GRIK3: variants seen among roughly 807,000 people sequenced by gnomAD.
GRIK3 encodes glutamate receptor ionotropic, kainate 3.
Under a neutral mutation model 102.5 loss-of-function variants are expected in GRIK3, and 29 were observed. The observed-to-expected ratio is 0.28, with a 90% CI of 0.21 to 0.39. The LOEUF (loss-of-function observed/expected upper bound fraction) is 0.39, where lower values mean the gene tolerates loss of function less well. GRIK3 is among the 10% of genes least tolerant of loss of function. The probability of loss-of-function intolerance (pLI) is 1.00; values close to 1 mark genes in which losing one functional copy is unlikely to be tolerated. For missense variants in GRIK3, 908 were observed against 1,252.4 expected, an observed-to-expected ratio of 0.73 and a Z score of 4.15; for synonymous variants, 511 against 504.9, an observed-to-expected ratio of 1.01 and a Z score of -0.16.
At chr1:36,937,840 C>T (rs1319224561) in intron 1 of GRIK3, among the ~76,000 whole-genome samples, 1 of 152,220 alleles carries the variant, frequency 6.6e-6, no homozygotes, top group East Asian at 1.9e-4. Flanking sequence ...GGAAACTACC[C>T]TTATGTAGTC....
intron 1 of GRIK3, among the ~76,000 whole-genome samples, chr1:36,997,833 A>C (rs1375434509): frequency 6.6e-6 from 1 of 152,132 alleles, no homozygotes; most frequent in African/African-American, 2.4e-5. Flanking sequence ...ACAGCCTGGG[A>C]GGGTTTGGAG....
intron 1 of GRIK3, among the ~76,000 whole-genome samples, chr1:36,994,286 A>G (rs1435760486): frequency 6.6e-6 from 1 of 152,216 alleles, no homozygotes; most frequent in Non-Finnish European, 1.5e-5. Context: ...GCGGTAAACT[A>G]GGAAACTCTT....
At chr1:36,994,975 C>G (rs755797483) in intron 1 of GRIK3, among the ~76,000 whole-genome samples, 2 of 152,056 alleles carry the variant, frequency 1.3e-5, no homozygotes, top group Non-Finnish European at 2.9e-5. Context: ...AAACAGCAGA[C>G]CAAAGAGAGC....
At chr1:36,840,952 G>T (rs180775774) in intron 10 of GRIK3, among the ~76,000 whole-genome samples, 17 of 152,302 alleles carry the variant, frequency 1.1e-4, no homozygotes, top group Admixed American at 1.1e-3. Flanking sequence ...CGTGAGGAAG[G>T]GGTGTCAACA....
At chr1:36,954,781 G>GA (rs1016874853) in intron 1 of GRIK3, among the ~76,000 whole-genome samples, 42 of 152,312 alleles carry the variant, frequency 2.8e-4, no homozygotes, top group African/African-American at 8.9e-4. Context: ...ACAAATCACA[G>GA]AAAAAAACCA....
At position 36,800,132 on chromosome 1, in the gene GRIK3, C is replaced by G. The variant is rs1642424294; in HGVS notation, c.*1719G>C. 6.6e-6 allele frequency: 1 copy of G among 152,158 alleles called. No individual in the cohort carries two copies. Among genetic ancestry groups the G allele is most frequent in the Non-Finnish European group, 1.5e-5 (1 of 68,030 alleles). The allele number at this position is 152,158 out of a possible 1,614,324, so 9.4% of individuals were successfully genotyped here. On this transcript the variant is annotated 3_prime_UTR_variant, in exon 16 of 16. Transcript: ENST00000373091. Reference sequence around the variant, plus strand: ...GAGCCCACTGTGGTCTCCTGCTTTGCTAGAGATTGCCCTTCACCCAGATGA... The same window carrying G: ...GAGCCCACTGTGGTCTCCTGCTTTGGTAGAGATTGCCCTTCACCCAGATGA...
intron 1 of GRIK3, among the ~76,000 whole-genome samples, chr1:36,903,582 A>G (rs561194): frequency 0.045 from 6,795 of 152,312 alleles, 404 homozygotes; most frequent in African/African-American, 0.13. Context: ...CCTTCAGTAG[A>G]TGAGTGGATA....
At chr1:37,033,762 C>A (rs1569592954) in intron 1 of GRIK3, among the ~76,000 whole-genome samples, 1 of 152,232 alleles carries the variant, frequency 6.6e-6, no homozygotes, top group East Asian at 1.9e-4. Flanking sequence ...CTCCCAGGAG[C>A]GCGCCAAGGG....
intron 9 of GRIK3, among the ~76,000 whole-genome samples, chr1:36,844,160 GATGC>G (rs1640493264): frequency 6.6e-6 from 1 of 152,220 alleles, no homozygotes; most frequent in Non-Finnish European, 1.5e-5. Flanking sequence ...AGTCCCTTGG[GATGC>G]TTCAGGGAAA....
intron 1 of GRIK3, among the ~76,000 whole-genome samples, chr1:36,933,053 C>CT: frequency 6.6e-6 from 1 of 152,204 alleles, no homozygotes; most frequent in East Asian, 1.9e-4. Flanking sequence ...ATTCTGCAGT[C>CT]TGTTACATTG....
At chr1:36,832,646 T>C (rs1198256888) in intron 10 of GRIK3, among the ~76,000 whole-genome samples, 2 of 152,232 alleles carry the variant, frequency 1.3e-5, no homozygotes, top group Non-Finnish European at 2.9e-5. Context: ...AAGATGTGTG[T>C]ACCCTTCCTG....
intron 11 of GRIK3, among the ~76,000 whole-genome samples, chr1:36,823,857 C>G (rs1557693427): frequency 6.6e-6 from 1 of 152,188 alleles, no homozygotes; most frequent in Non-Finnish European, 1.5e-5. Flanking sequence ...GGGTTTGAAG[C>G]CCAACTCTGT....
chr1:36,941,410 T>C (rs960183604), intron 1 of GRIK3, among the ~76,000 whole-genome samples: 1 of 152,180 alleles, frequency 6.6e-6, no homozygotes, highest in African/African-American at 2.4e-5. Flanking sequence ...ATTACGATGA[T>C]TGATGGAATG....
chr1:37,033,966 G>T (rs758752112), intron 1 of GRIK3, 28 bp downstream of exon 1: 6 of 1,361,282 alleles, frequency 4.4e-6, no homozygotes, highest in Non-Finnish European at 6.2e-6. Context: ...CGGGCGCACG[G>T]AGACCCCCGG....
At chr1:36,913,197 C>T (rs756059054) in intron 1 of GRIK3, among the ~76,000 whole-genome samples, 2 of 152,190 alleles carry the variant, frequency 1.3e-5, no homozygotes, top group Non-Finnish European at 2.9e-5. Context: ...CAACTGGGCT[C>T]ATCTCCAAAC....
chr1:37,029,323 A>G (rs1477560781), intron 1 of GRIK3, among the ~76,000 whole-genome samples: 2 of 152,228 alleles, frequency 1.3e-5, no homozygotes, highest in African/African-American at 4.8e-5. Flanking sequence ...TGCTCCTGCA[A>G]CATTGGTCCT....
At chr1:37,002,771 C>T (rs971699515) in intron 1 of GRIK3, among the ~76,000 whole-genome samples, 3 of 151,276 alleles carry the variant, frequency 2.0e-5, no homozygotes, top group South Asian at 2.1e-4. Context: ...CTCTGCCTCC[C>T]GGGTTCAAGT....
chr1:36,882,488 C>T (rs1640991743), intron 2 of GRIK3, among the ~76,000 whole-genome samples: 1 of 152,200 alleles, frequency 6.6e-6, no homozygotes, highest in African/African-American at 2.4e-5. Context: ...CCCCAGAAGC[C>T]ATTCTCTCTT....
At chr1:36,989,482 C>T (rs935468744) in intron 1 of GRIK3, among the ~76,000 whole-genome samples, 3 of 152,202 alleles carry the variant, frequency 2.0e-5, no homozygotes, top group South Asian at 2.1e-4. Context: ...CGGCAGTGTG[C>T]GAAGGAGGTC....
Sources: gnomAD v4.1 joint callset for allele counts (sites outside exome capture counted in the v4.1 genomes callset) on GRCh38, gnomAD v4.1.1 for gene constraint, MANE v1.5 for transcripts, NCBI Gene and HGNC (gene_info 2026-07-23, HGNC 2026-07-21) for gene names.